NMUR1: variants seen among roughly 807,000 people sequenced by gnomAD.
NMUR1 encodes the protein neuromedin-U receptor 1.
A neutral mutation model predicts 18.8 loss-of-function variants in NMUR1; 16 were observed. The ratio of observed to expected loss-of-function variants is 0.85; its 90% CI spans 0.58 to 1.29. The LOEUF (loss-of-function observed/expected upper bound fraction) is 1.29, where lower values mean the gene tolerates loss of function less well. Ranked by LOEUF, NMUR1 falls within the 50% of genes most tolerant of loss-of-function variation. The probability of loss-of-function intolerance (pLI) is 0.00; values close to 1 mark genes in which losing one functional copy is unlikely to be tolerated. For missense variants in NMUR1, 529 were observed against 580.3 expected (o/e 0.91, Z 0.91); for synonymous variants, 258 against 258.2 (o/e 1.00, Z 0.01).
At position 231,528,670 on chromosome 2, in the gene NMUR1, C is replaced by T; in HGVS notation, c.351G>A (p.Glu117=). ...LLVLLVGLPL[E]LYEMWHNYPF... ...GGTAGTTGTGCCACATCTCATAGAG[C>T]TCCAGGGGCAGGCCCACCAGCAGCA... The change falls in exon 2 of 3, where the codon GAG becomes GAA. Residue 117 remains glutamate, a synonymous_variant. Transcript: ENST00000305141. 6.2e-7 allele frequency: 1 copy of T among 1,614,250 alleles called. No homozygotes were observed.
rs770075448 is a variant in NMUR1, at chr2:231,525,438, A to G, written c.899-13T>C. 4 of 1,595,912 alleles carry G rather than the reference A, an allele frequency of 2.5e-6. No individual in the cohort carries two copies. The highest frequency in any genetic ancestry group is 3.4e-6 in the Non-Finnish European group (4 of 1,169,056). ...ACGACCAGGACAACTGCAGGGACAG[A>G]GAAGGGAGGCCGAGTGCCCGCCCGA... On this transcript the variant is annotated splice_polypyrimidine_tract_variant and intron_variant, in intron 2 of 2. Coordinates refer to ENST00000305141, the MANE Select transcript of NMUR1 (RefSeq NM_006056.5).
chr2:231,525,500 C>G, intron 2 of NMUR1, 75 bp from the exon 3 acceptor site: 1 of 1,480,698 alleles, frequency 6.8e-7, no homozygotes, highest in Non-Finnish European at 9.1e-7. Context: ...CAGTTTGGGT[C>G]ACCCATTTTC....
At chr2:231,521,981 T>C (rs1257375409), downstream of NMUR1, among the ~76,000 whole-genome samples, 7 of 144,162 alleles carry the variant, frequency 4.9e-5, no homozygotes, top group African/African-American at 1.3e-4. Flanking sequence ...CTCTTTTTTT[T>C]TTTTTTTTTT....
At position 231,524,812 on chromosome 2, in the gene NMUR1, A is replaced by T; in HGVS notation, c.*231T>A. The T allele has an allele frequency of 2.0e-6, 1 of 498,688 alleles. No individual in the cohort carries two copies. Among genetic ancestry groups the T allele is most frequent in the Non-Finnish European group, 3.5e-6 (1 of 286,378 alleles). The allele number at this position is 498,688 out of a possible 1,614,324, so 30.9% of individuals were successfully genotyped here. ...TAAGGATTTGAACTGGGGGAGTGGCAGTGGACAGATAAGAAGCACAAGGTG... is the reference window on the plus strand; with the variant it reads ...TAAGGATTTGAACTGGGGGAGTGGCTGTGGACAGATAAGAAGCACAAGGTG... On this transcript the variant is annotated 3_prime_UTR_variant, in exon 3 of 3. Coordinates refer to ENST00000305141, the MANE Select transcript of NMUR1 (RefSeq NM_006056.5).
At chr2:231,520,105 T>A (rs1021844541), downstream of NMUR1, among the ~76,000 whole-genome samples, 1 of 152,214 alleles carries the variant, frequency 6.6e-6, no homozygotes, top group Non-Finnish European at 1.5e-5. Context: ...TATTTGCTAA[T>A]CTTAGAAACT....
chr2:231,526,524 A>G (rs1241420811), intron 2 of NMUR1, among the ~76,000 whole-genome samples: 1 of 152,208 alleles, frequency 6.6e-6, no homozygotes, highest in Non-Finnish European at 1.5e-5. Flanking sequence ...GGTAGTAGGC[A>G]GGAGGCAGGG....
chr2:231,521,262 T>C (rs890952760), downstream of NMUR1, among the ~76,000 whole-genome samples: 27 of 152,182 alleles, frequency 1.8e-4, no homozygotes, highest in Non-Finnish European at 5.9e-5. Flanking sequence ...CCTGTGGTCC[T>C]ACTTGAGAGG....
Position 231,524,862 on chromosome 2 carries a change from C to T in NMUR1, c.*181G>A. On this transcript the variant is annotated 3_prime_UTR_variant, in exon 3 of 3. Coordinates refer to ENST00000305141, the MANE Select transcript of NMUR1 (RefSeq NM_006056.5). ...GTGGCGTCTGGTCAGTGTGAGTCCT[C>T]AGCAGTCAGGGATCCCTCCTCCTGC... 1 of 720,926 alleles carries T rather than the reference C, an allele frequency of 1.4e-6. No individual in the cohort carries two copies. Among genetic ancestry groups the T allele is most frequent in the Non-Finnish European group, 2.2e-6 (1 of 463,714 alleles). The allele number at this position is 720,926 out of a possible 1,614,324, so 44.7% of individuals were successfully genotyped here.
In NMUR1 at chr2:231,524,859, C is replaced by T; in HGVS notation, c.*184G>A. 1.0e-5 allele frequency: 7 copies of T among 693,206 alleles called. No homozygotes were observed. Among genetic ancestry groups the T allele is most frequent in the Non-Finnish European group, 1.6e-5 (7 of 437,902 alleles). The allele number at this position is 693,206 out of a possible 1,614,324, so 42.9% of individuals were successfully genotyped here. ...GGTGTGGCGTCTGGTCAGTGTGAGT[C>T]CTCAGCAGTCAGGGATCCCTCCTCC... On this transcript the variant is annotated 3_prime_UTR_variant, in exon 3 of 3. Transcript: ENST00000305141.
At chr2:231,523,060 A>G, downstream of NMUR1, 1 of 310,534 alleles carries the variant, frequency 3.2e-6, no homozygotes, top group Non-Finnish European at 5.9e-6. Flanking sequence ...AATGAGTGCA[A>G]GCGTGAGCTT....
chr2:231,527,970 TCAGA>T (rs2047372535), intron 2 of NMUR1, among the ~76,000 whole-genome samples, 149 bp downstream of exon 2: 1 of 105,538 alleles, frequency 9.5e-6, no homozygotes, highest in African/African-American at 3.2e-5. Flanking sequence ...GGAGTGCAAC[TCAGA>T]CACACACACA....
rs147521186 is a variant in NMUR1 at position 231,528,276 on chromosome 2, C to T, written c.745G>A (p.Val249Met). 8.1e-4 allele frequency: 1,310 copies of T among 1,613,878 alleles called. No homozygotes were observed. The highest frequency in any genetic ancestry group is 1.1e-3 in the Admixed American group (69 of 60,018). ...CGCAGCCCAATGAGCAGGTAGAGCA[C>T]GCTCATGATGGCCATGGGCAGGCAG... Reference protein sequence around the residue: ...FFCLPMAIMSVLYLLIGLRLR... With the variant: ...FFCLPMAIMSMLYLLIGLRLR... Residue 249 changes from valine to methionine, a missense_variant, in exon 2 of 3, where the codon GTG becomes ATG. Transcript: ENST00000305141.
chr2:231,518,855 A>G (rs2047286129), downstream of NMUR1, among the ~76,000 whole-genome samples: 1 of 152,052 alleles, frequency 6.6e-6, no homozygotes, highest in African/African-American at 2.4e-5. Context: ...GACATCCCTC[A>G]TTCCCTTTAG....
downstream of NMUR1, among the ~76,000 whole-genome samples, chr2:231,521,941 G>A (rs1392701370): frequency 6.8e-6 from 1 of 148,112 alleles, no homozygotes; most frequent in East Asian, 2.0e-4. Context: ...CATACATGGT[G>A]CTCACAAAGG....
Position 231,525,026 on chromosome 2 carries a change from C to A in NMUR1, c.*17G>T. ...GACCCTCTGGCCCCTCCAGGTGAAG[C>A]CACTTTAAGGCTCCACTCAGGATGG... On this transcript the variant is annotated 3_prime_UTR_variant, in exon 3 of 3. Transcript: ENST00000305141. 6.5e-7 allele frequency: 1 copy of A among 1,528,574 alleles called. No homozygotes were observed. Among genetic ancestry groups the A allele is most frequent in the South Asian group, 1.3e-5 (1 of 77,736 alleles). The allele number at this position is 1,528,574 out of a possible 1,614,324, so 94.7% of individuals were successfully genotyped here.
At chr2:231,520,624 A>G, downstream of NMUR1, among the ~76,000 whole-genome samples, 1 of 152,238 alleles carries the variant, frequency 6.6e-6, no homozygotes, top group East Asian at 1.9e-4. Context: ...AATTTGGTAT[A>G]TGTGCTGCTG....
chr2:231,527,337 C>G (rs1299143955), intron 2 of NMUR1, among the ~76,000 whole-genome samples: 1 of 152,176 alleles, frequency 6.6e-6, no homozygotes, highest in Non-Finnish European at 1.5e-5. Context: ...AGAACAAGGC[C>G]AAGACACGTT....
At position 231,528,559 on chromosome 2, in the gene NMUR1, G is replaced by C. The variant is rs746026888; in HGVS notation, c.462C>G (p.Ala154=). The change falls in exon 2 of 3, where the codon GCC becomes GCG. Residue 154 remains alanine (A), a synonymous_variant. Transcript: ENST00000305141. The part of the protein sequence containing the change: ...VCLASVLNVT[A]LSVERYVAVV... ...CGGCCACATAGCGTTCCACGCTCAG[G>C]GCAGTGACGTTGAGCACTGAGGCCA... 2 of 1,614,064 alleles carry C rather than the reference G, an allele frequency of 1.2e-6. No individual in the cohort carries two copies. The highest frequency in any genetic ancestry group is 3.3e-5 in the Admixed American group (2 of 60,034).
rs1177548751 is a variant in NMUR1, at chr2:231,528,283, G to A, written c.738C>T (p.Ile246=). ...ALLFFCLPMA[I]MSVLYLLIGL... ...CAATGAGCAGGTAGAGCACGCTCAT[G>A]ATGGCCATGGGCAGGCAGAAGAAGA... Residue 246 remains isoleucine, a synonymous_variant, in exon 2 of 3, where the codon ATC becomes ATT. Transcript: ENST00000305141. The A allele has an allele frequency of 1.2e-6, 2 of 1,613,708 alleles. No homozygotes were observed. The highest frequency in any genetic ancestry group is 2.7e-5 in the African/African-American group (2 of 74,946).
Sources: allele counts gnomAD v4.1 joint callset (sites outside exome capture counted in the v4.1 genomes callset), GRCh38; gene constraint gnomAD v4.1.1; transcripts MANE v1.5; gene names NCBI Gene and HGNC (gene_info 2026-07-23, HGNC 2026-07-21).